Variants in AGBL4 observed in about 807,000 individuals in gnomAD.
AGBL4 encodes cytosolic carboxypeptidase 6.
Under a neutral mutation model 66.4 loss-of-function variants are expected in AGBL4, and 58 were observed. That is an observed-to-expected ratio of 0.87 (90% CI 0.71 to 1.09). The LOEUF (loss-of-function observed/expected upper bound fraction) is 1.09. Among genes scored for constraint, AGBL4 ranks in the 50% least tolerant of loss-of-function variants. The pLI, the probability that AGBL4 is intolerant of heterozygous loss-of-function variation, is 0.00. For synonymous variants in AGBL4, 234 were observed against 222.9 expected (o/e 1.05, Z -0.44); for missense variants, 579 against 631.0 (o/e 0.92, Z 0.88).
intron 1 of AGBL4, among the ~76,000 whole-genome samples, chr1:49,992,718 C>T (rs1159460756): frequency 6.6e-6 from 1 of 152,090 alleles, no homozygotes; most frequent in African/African-American, 2.4e-5. Context: ...TTCCTTATTG[C>T]CTATCCTTTT....
intron 4 of AGBL4, among the ~76,000 whole-genome samples, chr1:49,240,030 C>T (rs1192653661): frequency 6.6e-6 from 1 of 151,748 alleles, no homozygotes; most frequent in Non-Finnish European, 1.5e-5. Context: ...TTTATAATTT[C>T]TCAAGTAAAA....
intron 2 of AGBL4, among the ~76,000 whole-genome samples, chr1:49,755,959 C>T (rs1420540091): frequency 6.6e-6 from 1 of 152,272 alleles, no homozygotes; most frequent in East Asian, 1.9e-4. Context: ...TTATTTCTAG[C>T]TTTGTCTCCC....
At chr1:49,851,645 C>T (rs1442283240) in intron 1 of AGBL4, 127 bp from the exon 2 acceptor site, 1 of 868,666 alleles carries the variant, frequency 1.2e-6, no homozygotes, top group African/African-American at 1.7e-5. Context: ...GTTAACACCA[C>T]ATTGTGGTAC....
At chr1:48,807,482 A>G (rs985858207) in intron 6 of AGBL4, among the ~76,000 whole-genome samples, 25 of 152,194 alleles carry the variant, frequency 1.6e-4, no homozygotes, top group African/African-American at 5.3e-4. Flanking sequence ...AACTCAAATT[A>G]GCCAGTGGTA....
At chr1:49,409,149 GCT>G (rs373757168) in intron 3 of AGBL4, among the ~76,000 whole-genome samples, 29 of 145,946 alleles carry the variant, frequency 2.0e-4, no homozygotes, top group East Asian at 1.2e-3. Flanking sequence ...ACTCTCTCTG[GCT>G]CTCTCTCTCT....
At chr1:49,356,376 A>T (rs1325306932) in intron 3 of AGBL4, among the ~76,000 whole-genome samples, 7 of 152,186 alleles carry the variant, frequency 4.6e-5, no homozygotes, top group Non-Finnish European at 8.8e-5. Context: ...CCAAGAGACT[A>T]TTAATCCAAT....
chr1:49,058,748 A>G (rs551275200), intron 4 of AGBL4, among the ~76,000 whole-genome samples: 75 of 152,342 alleles, frequency 4.9e-4, no homozygotes, highest in African/African-American at 1.4e-3. Context: ...CAAAATGCCA[A>G]TAGTGATATT....
At chr1:49,912,446 A>C (rs574362273) in intron 1 of AGBL4, among the ~76,000 whole-genome samples, 7 of 152,368 alleles carry the variant, frequency 4.6e-5, no homozygotes, top group African/African-American at 1.4e-4. Context: ...AATATTTTAT[A>C]GTATGTAACA....
intron 6 of AGBL4, among the ~76,000 whole-genome samples, chr1:48,667,602 T>C (rs966121003): frequency 5.9e-5 from 9 of 152,246 alleles, no homozygotes; most frequent in African/African-American, 2.2e-4. Flanking sequence ...AGATGCTAAA[T>C]TCTAGAGTAA....
chr1:49,833,996 T>C (rs528244118), intron 2 of AGBL4, among the ~76,000 whole-genome samples: 13 of 152,176 alleles, frequency 8.5e-5, no homozygotes, highest in Admixed American at 3.3e-4. Flanking sequence ...AGGATTTTAT[T>C]GAGGATTTTC....
chr1:49,904,935 C>T (rs1210563094), intron 1 of AGBL4, among the ~76,000 whole-genome samples: 1 of 151,600 alleles, frequency 6.6e-6, no homozygotes, highest in Non-Finnish European at 1.5e-5. Flanking sequence ...TCAAGAGTGA[C>T]AAAAAAAGAG....
chr1:48,589,171 G>A (rs536271609), intron 10 of AGBL4, among the ~76,000 whole-genome samples: 14 of 152,282 alleles, frequency 9.2e-5, no homozygotes, highest in Non-Finnish European at 1.6e-4. Flanking sequence ...CAAATGGGGA[G>A]CTACCTGCTT....
At chr1:48,603,674 AT>A (rs1425499420) in intron 9 of AGBL4, among the ~76,000 whole-genome samples, 1 of 152,152 alleles carries the variant, frequency 6.6e-6, no homozygotes, top group African/African-American at 2.4e-5. Flanking sequence ...TTACATTTAC[AT>A]TTTAGCAAGA....
intron 4 of AGBL4, among the ~76,000 whole-genome samples, chr1:49,211,808 A>G (rs1030754531): frequency 6.6e-6 from 1 of 152,092 alleles, no homozygotes; most frequent in Non-Finnish European, 1.5e-5. Flanking sequence ...TTTATTTAGC[A>G]TTTTCTTGCT....
At chr1:48,607,364 T>C (rs904916249) in intron 9 of AGBL4, among the ~76,000 whole-genome samples, 1 of 152,102 alleles carries the variant, frequency 6.6e-6, no homozygotes, top group Admixed American at 6.6e-5. Flanking sequence ...ACTCCTGTAA[T>C]CCCAGCACTT....
intron 4 of AGBL4, among the ~76,000 whole-genome samples, chr1:49,132,460 C>T (rs376089861): frequency 2.0e-5 from 3 of 152,180 alleles, no homozygotes; most frequent in African/African-American, 7.2e-5. Context: ...ATTAAATCTC[C>T]TTTAGTGGAC....
intron 6 of AGBL4, among the ~76,000 whole-genome samples, chr1:48,763,969 A>G (rs1282111940): frequency 6.6e-6 from 1 of 152,140 alleles, no homozygotes; most frequent in Non-Finnish European, 1.5e-5. Context: ...TGACCACATA[A>G]TCCAGTTCCA....
intron 5 of AGBL4, among the ~76,000 whole-genome samples, chr1:49,032,647 A>C (rs1055447591): frequency 6.6e-6 from 1 of 152,160 alleles, no homozygotes; most frequent in Non-Finnish European, 1.5e-5. Flanking sequence ...CTGTGTGAGC[A>C]GGATAGTGAG....
At chr1:49,322,880 C>T (rs769833396) in intron 3 of AGBL4, among the ~76,000 whole-genome samples, 5 of 152,152 alleles carry the variant, frequency 3.3e-5, no homozygotes, top group African/African-American at 4.8e-5. Flanking sequence ...TTTCTCAAAA[C>T]AAAATAATGG....
Sources: gnomAD v4.1 joint callset for allele counts (sites outside exome capture counted in the v4.1 genomes callset) on GRCh38, gnomAD v4.1.1 for gene constraint, MANE v1.5 for transcripts, NCBI Gene and HGNC (gene_info 2026-07-23, HGNC 2026-07-21) for gene names.